DLG2: variants seen among roughly 807,000 people sequenced by gnomAD.
DLG2 encodes the protein discs large MAGUK scaffold protein 2.
DLG2 carries 45 observed loss-of-function variants against 132.5 expected under a neutral mutation model. The ratio of observed to expected loss-of-function variants is 0.34; its 90% CI spans 0.27 to 0.44. DLG2 has a LOEUF of 0.44. Ranked by LOEUF, DLG2 falls within the 20% of genes least tolerant of loss-of-function variation. The pLI is 1.00. For synonymous variants in DLG2, 424 were observed against 419.6 expected, an observed-to-expected ratio of 1.01 and a Z score of -0.13; for missense variants, 1,045 against 1,196.9, an observed-to-expected ratio of 0.87 and a Z score of 1.87.
At chr11:83,670,652 G>C (rs750874248) in intron 18 of DLG2, among the ~76,000 whole-genome samples, 1 of 151,714 alleles carries the variant, frequency 6.6e-6, no homozygotes, top group South Asian at 2.1e-4. Context: ...ATTCCATCTG[G>C]TCTGCTAAAC....
chr11:83,524,005 G>A (rs1412089568), intron 21 of DLG2, among the ~76,000 whole-genome samples: 1 of 152,134 alleles, frequency 6.6e-6, no homozygotes, highest in Non-Finnish European at 1.5e-5. Flanking sequence ...CTGTGCAAAA[G>A]GAGATTTGGA....
intron 7 of DLG2, among the ~76,000 whole-genome samples, chr11:84,480,269 C>G (rs916658457): frequency 3.3e-5 from 5 of 152,046 alleles, no homozygotes; most frequent in African/African-American, 1.2e-4. Context: ...TTTGCCTTAT[C>G]TAAAAAGGCA....
chr11:84,837,122 G>A (rs1325625563), intron 6 of DLG2, among the ~76,000 whole-genome samples: 1 of 151,662 alleles, frequency 6.6e-6, no homozygotes, highest in Non-Finnish European at 1.5e-5. Flanking sequence ...ATACTTCTTA[G>A]CAAGCCTATG....
At chr11:83,678,089 T>C (rs1334416712) in intron 18 of DLG2, among the ~76,000 whole-genome samples, 2 of 152,282 alleles carry the variant, frequency 1.3e-5, no homozygotes, top group South Asian at 2.1e-4. Flanking sequence ...AAAAGACAAA[T>C]GGCAGACAGT....
intron 7 of DLG2, among the ~76,000 whole-genome samples, chr11:84,303,098 G>A (rs148769185): frequency 1.3e-5 from 2 of 152,224 alleles, no homozygotes; most frequent in African/African-American, 4.8e-5. Flanking sequence ...GTGACAGAGT[G>A]AGACTCTGTC....
At chr11:84,409,044 C>T (rs1021349337) in intron 7 of DLG2, among the ~76,000 whole-genome samples, 1 of 152,142 alleles carries the variant, frequency 6.6e-6, no homozygotes, top group Non-Finnish European at 1.5e-5. Flanking sequence ...ATGATCTGGC[C>T]ACTGTTTACT....
At chr11:84,874,071 T>C (rs2085927928) in intron 6 of DLG2, among the ~76,000 whole-genome samples, 1 of 152,190 alleles carries the variant, frequency 6.6e-6, no homozygotes, top group Non-Finnish European at 1.5e-5. Context: ...GTCATTTTTC[T>C]TAGGAACAAG....
intron 3 of DLG2, among the ~76,000 whole-genome samples, chr11:85,379,442 T>C (rs1416999280): frequency 1.3e-5 from 2 of 152,156 alleles, no homozygotes; most frequent in African/African-American, 4.8e-5. Flanking sequence ...TACATGTTCC[T>C]CAGAAAAAGC....
intron 15 of DLG2, among the ~76,000 whole-genome samples, chr11:83,918,752 G>A (rs186394980): frequency 1.4e-3 from 199 of 146,050 alleles, no homozygotes; most frequent in African/African-American, 3.0e-3. Flanking sequence ...CCCACACGGC[G>A]CCTGTCAAAG....
intron 6 of DLG2, among the ~76,000 whole-genome samples, chr11:85,111,143 G>A (rs906537188): frequency 6.6e-6 from 1 of 152,072 alleles, no homozygotes; most frequent in Admixed American, 6.6e-5. Flanking sequence ...TCTCCCATCT[G>A]TAGCACAAGG....
chr11:83,736,631 T>C (rs754201867), intron 18 of DLG2, among the ~76,000 whole-genome samples: 1 of 152,200 alleles, frequency 6.6e-6, no homozygotes, highest in Non-Finnish European at 1.5e-5. Flanking sequence ...AGAAATCAAC[T>C]GTGTGTATGA....
chr11:83,580,984 C>A (rs1023982696), intron 19 of DLG2, among the ~76,000 whole-genome samples: 6 of 140,838 alleles, frequency 4.3e-5, no homozygotes, highest in African/African-American at 1.6e-4. Flanking sequence ...ATCCTTCTTT[C>A]ATTTTGGCAA....
intron 15 of DLG2, among the ~76,000 whole-genome samples, chr11:83,911,950 C>T (rs1193913621): frequency 1.3e-5 from 2 of 151,122 alleles, no homozygotes; most frequent in Admixed American, 1.3e-4. Context: ...AATTCCTACC[C>T]CAAAGGTTAT....
intron 7 of DLG2, among the ~76,000 whole-genome samples, chr11:84,421,136 G>A (rs117438015): frequency 1.4e-3 from 220 of 152,252 alleles, no homozygotes; most frequent in South Asian, 1.9e-3. Flanking sequence ...TAAGGTTATA[G>A]TGAGAAGACA....
intron 6 of DLG2, among the ~76,000 whole-genome samples, chr11:84,875,158 T>C (rs1196845049): frequency 1.3e-5 from 2 of 152,034 alleles, no homozygotes; most frequent in Non-Finnish European, 2.9e-5. Context: ...ATATTAAGAA[T>C]GACGGAGGAG....
At chr11:84,799,970 T>C (rs1565995451) in intron 6 of DLG2, among the ~76,000 whole-genome samples, 2 of 152,326 alleles carry the variant, frequency 1.3e-5, no homozygotes, top group East Asian at 3.9e-4. Flanking sequence ...TTCTCACATC[T>C]TGTCTGATTC....
chr11:85,399,057 A>C (rs2087740103), intron 3 of DLG2, among the ~76,000 whole-genome samples: 1 of 152,206 alleles, frequency 6.6e-6, no homozygotes, highest in African/African-American at 2.4e-5. Context: ...AAATCTCCTT[A>C]AGCTGATAAG....
intron 11 of DLG2, among the ~76,000 whole-genome samples, chr11:83,983,351 CT>C (rs2092967433): frequency 6.6e-6 from 1 of 151,852 alleles, no homozygotes; most frequent in African/African-American, 2.4e-5. Flanking sequence ...TGGCTTAAGA[CT>C]TTTTTAGAAA....
In DLG2 at chr11:84,939,902, C is replaced by T. The variant is rs549493639; in HGVS notation, c.357+171759G>A. The stretch of plus-strand genomic sequence containing the variant: ...AGTAAACATGAGAATGCAGATATCT[C>T]ATTGTTACACTGATTTCCCTTCTTT... On this transcript the variant is annotated intron_variant, in intron 6 of 27. Transcript: ENST00000376104. Among the ~76,000 whole-genome samples the T allele has an allele frequency of 6.5e-4, 99 of 152,248 alleles. 2 individuals are homozygous for T. Among genetic ancestry groups the T allele is most frequent in the African/African-American group, 2.3e-3 (94 of 41,538 alleles).
Sources: gnomAD v4.1 joint callset for allele counts (sites outside exome capture counted in the v4.1 genomes callset) on GRCh38, gnomAD v4.1.1 for gene constraint, MANE v1.5 for transcripts, NCBI Gene and HGNC (gene_info 2026-07-23, HGNC 2026-07-21) for gene names.